The following ZFPM2 variants were observed in gnomAD, a reference collection of about 807,000 sequenced individuals.
ZFPM2 encodes the protein zinc finger protein, FOG family member 2, also known as zinc finger protein ZFPM2.
A neutral mutation model predicts 98.6 loss-of-function variants in ZFPM2; 20 were observed. The observed-to-expected ratio is 0.20, with a 90% CI of 0.14 to 0.29. The LOEUF is 0.29. Ranked by LOEUF, ZFPM2 falls within the 10% of genes least tolerant of loss-of-function variation. The probability of loss-of-function intolerance (pLI) is 1.00; values close to 1 mark genes in which losing one functional copy is unlikely to be tolerated. For synonymous variants in ZFPM2, 518 were observed against 502.7 expected, an observed-to-expected ratio of 1.03 and a Z score of -0.41; for missense variants, 1,310 against 1,388.6, an observed-to-expected ratio of 0.94 and a Z score of 0.90.
intron 5 of ZFPM2, among the ~76,000 whole-genome samples, chr8:105,667,140 A>G (rs994182052): frequency 2.6e-5 from 4 of 152,214 alleles, no homozygotes; most frequent in South Asian, 2.1e-4. Context: ...AAAGAAGCCT[A>G]TCGCTTCAAG....
chr8:105,739,016 G>A (rs1237306443), intron 5 of ZFPM2, among the ~76,000 whole-genome samples: 8 of 151,886 alleles, frequency 5.3e-5, no homozygotes, highest in Non-Finnish European at 8.8e-5. Context: ...AACTCACACC[G>A]GATTAGAATA....
chr8:105,745,604 T>C (rs559845492), intron 5 of ZFPM2, among the ~76,000 whole-genome samples: 6 of 152,140 alleles, frequency 3.9e-5, no homozygotes, highest in Admixed American at 1.3e-4. Context: ...TGCTTCACTT[T>C]TGAGAAATAT....
At chr8:105,331,774 G>A (rs754847363) in intron 1 of ZFPM2, among the ~76,000 whole-genome samples, 11 of 151,682 alleles carry the variant, frequency 7.3e-5, no homozygotes, top group Non-Finnish European at 1.0e-4. Context: ...GGACTCTAAG[G>A]AATTGCTATA....
intron 5 of ZFPM2, among the ~76,000 whole-genome samples, chr8:105,671,172 C>G (rs1817587159): frequency 6.6e-6 from 1 of 151,766 alleles, no homozygotes; most frequent in South Asian, 2.1e-4. Context: ...ATATATTTTG[C>G]CATACAATAT....
intron 3 of ZFPM2, among the ~76,000 whole-genome samples, chr8:105,482,995 T>TTTCCTTCCTTCCTTCC (rs372199307): frequency 0.081 from 4,160 of 51,248 alleles, 287 homozygotes; most frequent in East Asian, 0.12. Context: ...CCCCCCATCC[T>TTTCCTTCCTTCCTTCC]TTCCTTCCTT....
chr8:105,401,528 A>G (rs1811340451), intron 1 of ZFPM2, among the ~76,000 whole-genome samples: 1 of 152,124 alleles, frequency 6.6e-6, no homozygotes, highest in African/African-American at 2.4e-5. Context: ...AGGCACTCTG[A>G]GACTTTAAGA....
chr8:105,345,702 T>C (rs1178873569), intron 1 of ZFPM2, among the ~76,000 whole-genome samples: 2 of 152,168 alleles, frequency 1.3e-5, no homozygotes. Context: ...TCTTTATGTG[T>C]CTCTATTGTT....
chr8:105,458,035 G>C (rs1240778716), intron 3 of ZFPM2, among the ~76,000 whole-genome samples: 1 of 152,190 alleles, frequency 6.6e-6, no homozygotes, highest in Non-Finnish European at 1.5e-5. Context: ...GTCTTGTGTG[G>C]TGTTTGGAAG....
At chr8:105,368,355 A>G (rs1208966127) in intron 1 of ZFPM2, among the ~76,000 whole-genome samples, 2 of 152,136 alleles carry the variant, frequency 1.3e-5, no homozygotes, top group Non-Finnish European at 2.9e-5. Context: ...ACTGGTTACT[A>G]GTACTTACTA....
Position 105,679,922 on chromosome 8 carries a change from A to G in ZFPM2, c.532+45565A>G, listed in dbSNP as rs79878492. ...AGGAAAATAGACTTTATATTTCTTCAAGAAACTTTACTCATGAGAGCTTAA... is the reference window on the plus strand; with the variant it reads ...AGGAAAATAGACTTTATATTTCTTCGAGAAACTTTACTCATGAGAGCTTAA... On this transcript the variant is annotated intron_variant, in intron 5 of 7. Coordinates refer to ENST00000407775, the MANE Select transcript of ZFPM2 (RefSeq NM_012082.4). Among the ~76,000 whole-genome samples the G allele has an allele frequency of 2.0e-5, 3 of 152,284 alleles. No homozygotes were observed. In the South Asian group the frequency reaches 6.2e-4, roughly 32 times the overall value.
intron 3 of ZFPM2, among the ~76,000 whole-genome samples, chr8:105,517,707 C>CACACCACACACACA (rs61552974): frequency 5.7e-4 from 71 of 124,976 alleles, no homozygotes; most frequent in African/African-American, 2.3e-3. Flanking sequence ...CACACACACA[C>CACACCACACACACA]CACACACACA....
chr8:105,351,080 G>T (rs1812632856), intron 1 of ZFPM2, among the ~76,000 whole-genome samples: 1 of 151,410 alleles, frequency 6.6e-6, no homozygotes, highest in South Asian at 2.1e-4. Flanking sequence ...CTACTGGGGG[G>T]GCTGAGGCAG....
intron 4 of ZFPM2, among the ~76,000 whole-genome samples, chr8:105,573,771 A>G (rs1815406528): frequency 6.6e-6 from 1 of 152,168 alleles, no homozygotes; most frequent in African/African-American, 2.4e-5. Context: ...TGAGAAATAT[A>G]CACCCACACA....
At chr8:105,392,752 CAGT>C (rs1204128138) in intron 1 of ZFPM2, among the ~76,000 whole-genome samples, 4 of 152,174 alleles carry the variant, frequency 2.6e-5, no homozygotes, top group Non-Finnish European at 5.9e-5. Flanking sequence ...AACAGAGTAT[CAGT>C]AGAGATGTCT....
intron 6 of ZFPM2, among the ~76,000 whole-genome samples, chr8:105,789,597 C>T (rs995637564): frequency 6.6e-6 from 1 of 150,862 alleles, no homozygotes; most frequent in East Asian, 1.9e-4. Flanking sequence ...TGGGTATATA[C>T]CCAGTAATGG....
chr8:105,547,335 G>A (rs1359831693), intron 3 of ZFPM2, among the ~76,000 whole-genome samples: 2 of 151,922 alleles, frequency 1.3e-5, no homozygotes, highest in Non-Finnish European at 2.9e-5. Context: ...CTGAGGTCAG[G>A]AGTTTGAGAC....
chr8:105,668,791 G>C (rs1817533311), intron 5 of ZFPM2, among the ~76,000 whole-genome samples: 1 of 152,120 alleles, frequency 6.6e-6, no homozygotes, highest in Non-Finnish European at 1.5e-5. Flanking sequence ...TTACAACATT[G>C]AGGTGAGATT....
At chr8:105,418,290 G>A (rs1199788411) in intron 1 of ZFPM2, among the ~76,000 whole-genome samples, 1 of 152,124 alleles carries the variant, frequency 6.6e-6, no homozygotes, top group Non-Finnish European at 1.5e-5. Context: ...AGCAAATGCA[G>A]TTTCTACTTA....
intron 1 of ZFPM2, among the ~76,000 whole-genome samples, chr8:105,363,114 A>G (rs551131713): frequency 3.9e-5 from 6 of 152,304 alleles, no homozygotes; most frequent in Admixed American, 1.3e-4. Flanking sequence ...CTTTGCACAA[A>G]TCGGACTACA....
Sources: gnomAD v4.1 joint callset for allele counts (sites outside exome capture counted in the v4.1 genomes callset) on GRCh38, gnomAD v4.1.1 for gene constraint, MANE v1.5 for transcripts, NCBI Gene and HGNC (gene_info 2026-07-23, HGNC 2026-07-21) for gene names.